KLHL14: variants seen among roughly 807,000 people sequenced by gnomAD.
KLHL14 encodes kelch-like protein 14.
In KLHL14, 22 loss-of-function variants were observed where a neutral mutation model predicts 64.3. The observed-to-expected ratio is 0.34, with a 90% CI of 0.24 to 0.49. The LOEUF is 0.49. Among genes scored for constraint, KLHL14 ranks in the 20% least tolerant of loss-of-function variants. The probability of loss-of-function intolerance (pLI) is 0.99; values close to 1 mark genes in which losing one functional copy is unlikely to be tolerated. For missense variants in KLHL14, 661 were observed against 789.0 expected (o/e 0.84, Z 1.94); for synonymous variants, 322 against 333.4 (o/e 0.97, Z 0.37).
chr18:32,739,415 T>C (rs2050183628), intron 3 of KLHL14, among the ~76,000 whole-genome samples: 2 of 152,010 alleles, frequency 1.3e-5, no homozygotes, highest in South Asian at 2.1e-4. Context: ...AAGCAGAAAT[T>C]ATCTAGGTAA....
chr18:32,739,879 C>G (rs1327656059), intron 3 of KLHL14, among the ~76,000 whole-genome samples: 3 of 152,060 alleles, frequency 2.0e-5, no homozygotes, highest in African/African-American at 2.4e-5. Context: ...ACTGATGCCT[C>G]TAGGTGTAAA....
At chr18:32,736,103 G>GA (rs1435442398) in intron 3 of KLHL14, among the ~76,000 whole-genome samples, 1 of 152,044 alleles carries the variant, frequency 6.6e-6, no homozygotes, top group Non-Finnish European at 1.5e-5. Flanking sequence ...GTTCTCTGGA[G>GA]AAAAAACAAT....
chr18:32,746,620 C>CA (rs2050225142), intron 2 of KLHL14, among the ~76,000 whole-genome samples: 1 of 152,056 alleles, frequency 6.6e-6, no homozygotes, highest in Admixed American at 6.5e-5. Context: ...AACTAGATTG[C>CA]AAAAAAACTT....
chr18:32,758,702 T>C (rs2050296798), intron 2 of KLHL14, among the ~76,000 whole-genome samples: 1 of 152,188 alleles, frequency 6.6e-6, no homozygotes, highest in African/African-American at 2.4e-5. Context: ...CACACGTCCA[T>C]GGATAAACAA....
At position 32,683,554 on chromosome 18, in the gene KLHL14, G is replaced by GT. The variant is rs2049854236; in HGVS notation, c.1239-2956dup. Among the ~76,000 whole-genome samples the GT allele has an allele frequency of 1.3e-5, 2 of 152,176 alleles. No individual in the cohort carries two copies. The highest frequency in any genetic ancestry group is 4.8e-5 in the African/African-American group (2 of 41,426). ...CAGGCTATTTTATTTTGGGGGGAAAGTAAGTTCAAGATTATTAAAGATTTC... is the reference window on the plus strand; with the variant it reads ...CAGGCTATTTTATTTTGGGGGGAAAGTTAAGTTCAAGATTATTAAAGATTTC... On this transcript the variant is annotated intron_variant, in intron 5 of 8. Coordinates refer to ENST00000359358, the MANE Select transcript of KLHL14 (RefSeq NM_020805.3). This position sits in a 1 kb window ranked among gnomAD's most constrained non-coding sequence, Gnocchi z 4.2.
chr18:32,706,674 G>A (rs7239970), intron 3 of KLHL14, among the ~76,000 whole-genome samples: 6 of 152,114 alleles, frequency 3.9e-5, no homozygotes, highest in African/African-American at 1.4e-4. Context: ...ACACACACAT[G>A]TATTCAGTCT....
Position 32,680,686 on chromosome 18 carries a change from A to T in KLHL14, c.1239-87T>A. 8 of 1,319,988 alleles carry T rather than the reference A, an allele frequency of 6.1e-6. No individual in the cohort carries two copies. The highest frequency in any genetic ancestry group is 8.3e-6 in the Non-Finnish European group (8 of 965,882). 81.8% of individuals were successfully genotyped at this position (1,319,988 alleles called of 1,614,324 possible). ...TAAGATAAGCACCACACAGCTAGTC[A>T]GGGAAAGGGGTGCATTCTGCTTCAG... On this transcript the variant is annotated intron_variant, in intron 5 of 8. Coordinates refer to ENST00000359358, the MANE Select transcript of KLHL14 (RefSeq NM_020805.3). This position sits in a 1 kb window ranked among gnomAD's most constrained non-coding sequence, Gnocchi z 4.8.
chr18:32,731,713 C>A (rs372425659), intron 3 of KLHL14, among the ~76,000 whole-genome samples: 1 of 151,480 alleles, frequency 6.6e-6, no homozygotes, highest in Non-Finnish European at 1.5e-5. Context: ...ATGAGATCTA[C>A]GTGTATATAT....
At chr18:32,689,002 T>A (rs1354459693) in intron 4 of KLHL14, among the ~76,000 whole-genome samples, 1 of 152,076 alleles carries the variant, frequency 6.6e-6, no homozygotes, top group Non-Finnish European at 1.5e-5. Flanking sequence ...TGAGAAAAAA[T>A]GAGTCATTAG....
At chr18:32,766,561 C>A (rs568177917) in intron 2 of KLHL14, among the ~76,000 whole-genome samples, 79 of 152,026 alleles carry the variant, frequency 5.2e-4, no homozygotes, top group Non-Finnish European at 1.0e-3. Context: ...ACTGTGGTCA[C>A]GTTGCTGGTG....
intron 3 of KLHL14, among the ~76,000 whole-genome samples, chr18:32,698,554 G>A (rs1277305501): frequency 6.6e-6 from 1 of 152,126 alleles, no homozygotes; most frequent in Non-Finnish European, 1.5e-5. Flanking sequence ...GAGTGAACAT[G>A]ACCGCATTTA....
chr18:32,707,288 C>T (rs181702185), intron 3 of KLHL14, among the ~76,000 whole-genome samples: 85 of 152,368 alleles, frequency 5.6e-4, no homozygotes, highest in African/African-American at 2.0e-3. Context: ...GCCCCACACC[C>T]TCCTCTAGCT....
intron 3 of KLHL14, among the ~76,000 whole-genome samples, chr18:32,707,245 G>A (rs2049995030): frequency 6.6e-6 from 1 of 152,202 alleles, no homozygotes; most frequent in Non-Finnish European, 1.5e-5. Context: ...GCCAGGTCTT[G>A]GAAACCAGGC....
chr18:32,762,103 A>C (rs575602019), intron 2 of KLHL14, among the ~76,000 whole-genome samples: 49 of 152,322 alleles, frequency 3.2e-4, no homozygotes, highest in Admixed American at 2.9e-3. Flanking sequence ...TTTAAAAAAA[A>C]AACAACAAAA....
At chr18:32,758,039 A>C (rs1380731407) in intron 2 of KLHL14, among the ~76,000 whole-genome samples, 1 of 152,220 alleles carries the variant, frequency 6.6e-6, no homozygotes. Context: ...AAACAGACAC[A>C]TAGCACAACT....
chr18:32,732,378 C>T (rs930417576), intron 3 of KLHL14, among the ~76,000 whole-genome samples: 1 of 152,148 alleles, frequency 6.6e-6, no homozygotes, highest in African/African-American at 2.4e-5. Context: ...GAATATCTTG[C>T]ATGTGACAAG....
rs764562738 is a variant in KLHL14 at position 32,769,637 on chromosome 18, T to A, written c.947+8A>T. 3.8e-6 allele frequency: 5 copies of A among 1,331,240 alleles called. No homozygotes were observed. The African/African-American group carries it at 6.1e-5, about 16-fold the overall frequency. The allele number at this position is 1,331,240 out of a possible 1,614,324, so 82.5% of individuals were successfully genotyped here. On this transcript the variant is annotated splice_region_variant and intron_variant, in intron 2 of 8. Transcript: ENST00000359358. Reference sequence around the variant, plus strand: ...CCCTCCCCCGCCCTCCTCTTTGTTGTCTCCTACCTGCTGGCCAGGCTCTGC... The same window carrying A: ...CCCTCCCCCGCCCTCCTCTTTGTTGACTCCTACCTGCTGGCCAGGCTCTGC...
intron 2 of KLHL14, among the ~76,000 whole-genome samples, chr18:32,749,896 A>G (rs761802407): frequency 5.0e-4 from 76 of 152,120 alleles, no homozygotes; most frequent in Non-Finnish European, 9.3e-4. Context: ...CAAAAATACC[A>G]TAGACTGCGT....
chr18:32,716,458 A>T (rs1164339467), intron 3 of KLHL14, among the ~76,000 whole-genome samples: 1 of 151,144 alleles, frequency 6.6e-6, no homozygotes, highest in Non-Finnish European at 1.5e-5. Flanking sequence ...CTTGTCGCCC[A>T]GGCTGGAGTG....
Sources: allele counts gnomAD v4.1 joint callset (sites outside exome capture counted in the v4.1 genomes callset), GRCh38; gene constraint gnomAD v4.1.1; non-coding constraint Gnocchi (gnomAD v3.1); transcripts MANE v1.5; gene names NCBI Gene and HGNC (gene_info 2026-07-23, HGNC 2026-07-21).